The following CEP63 variants were observed in gnomAD, a reference collection of about 807,000 sequenced individuals.
CEP63 encodes centrosomal protein of 63 kDa.
Under a neutral mutation model 89.1 loss-of-function variants are expected in CEP63, and 84 were observed. The ratio of observed to expected loss-of-function variants is 0.94; its 90% confidence interval spans 0.79 to 1.13. The LOEUF (loss-of-function observed/expected upper bound fraction) is 1.13. Among genes scored for constraint, CEP63 ranks in the 50% most tolerant of loss-of-function variants. CEP63 has a pLI of 0.00. For synonymous variants in CEP63, 267 were observed against 272.5 expected (o/e 0.98, Z 0.20); for missense variants, 838 against 813.3 (o/e 1.03, Z -0.37).
the CEP63 span, among the ~76,000 whole-genome samples, chr3:134,668,267 C>G: frequency 6.6e-6 from 1 of 152,228 alleles, no homozygotes; most frequent in Non-Finnish European, 1.5e-5. Flanking sequence ...GCCTGTAGAA[C>G]TGTGTAAACC....
intron 2 of CEP63, among the ~76,000 whole-genome samples, chr3:134,503,937 A>T (rs1182571833): frequency 6.6e-6 from 1 of 152,104 alleles, no homozygotes; most frequent in African/African-American, 2.4e-5. Context: ...TTATAGAGAT[A>T]TTCAGCCATT....
At chr3:134,610,504 CT>C in the CEP63 span, 1 of 833,236 alleles carries the variant, frequency 1.2e-6, no homozygotes, top group Admixed American at 2.7e-5. Flanking sequence ...TATCCTTTTC[CT>C]TGCTTCTTGT....
chr3:134,634,463 T>A, the CEP63 span, among the ~76,000 whole-genome samples: 1 of 152,192 alleles, frequency 6.6e-6, no homozygotes, highest in Non-Finnish European at 1.5e-5. Context: ...AATAAATTTT[T>A]ACAAAAGTGC....
intron 1 of CEP63, chr3:134,486,455 C>T: frequency 2.0e-6 from 2 of 985,558 alleles, no homozygotes; most frequent in South Asian, 4.7e-5. Flanking sequence ...TGCACACTGG[C>T]GGAGTCTGGC....
the CEP63 span, among the ~76,000 whole-genome samples, chr3:134,758,049 T>G: frequency 5.2e-4 from 79 of 152,314 alleles, no homozygotes; most frequent in African/African-American, 1.7e-3. Context: ...CGATGATGTA[T>G]CTAAGGTGCC....
chr3:134,659,299 G>A, the CEP63 span, among the ~76,000 whole-genome samples: 1 of 152,110 alleles, frequency 6.6e-6, no homozygotes, highest in East Asian at 1.9e-4. Context: ...TCCTCGATCC[G>A]CCCCTCTCTC....
At chr3:134,623,549 T>G in the CEP63 span, among the ~76,000 whole-genome samples, 4 of 146,032 alleles carry the variant, frequency 2.7e-5, no homozygotes, top group South Asian at 4.8e-4. Flanking sequence ...TGCCCCCTTG[T>G]TCCCCCACCT....
At chr3:134,579,490 G>T (rs1333115375), downstream of CEP63, among the ~76,000 whole-genome samples, 1 of 152,230 alleles carries the variant, frequency 6.6e-6, no homozygotes, top group Non-Finnish European at 1.5e-5. Context: ...TAGTGGGTGT[G>T]TACTGATAAC....
intron 6 of CEP63, among the ~76,000 whole-genome samples, chr3:134,542,502 A>G (rs2109434984): frequency 6.6e-6 from 1 of 152,308 alleles, no homozygotes; most frequent in East Asian, 1.9e-4. Context: ...GCACTGGCGC[A>G]TTTGGAGTTG....
chr3:134,570,253 CAG>C (rs1553796559), intron 11 of CEP63, among the ~76,000 whole-genome samples: 1 of 152,036 alleles, frequency 6.6e-6, no homozygotes, highest in Non-Finnish European at 1.5e-5. Flanking sequence ...AATTTCTCCT[CAG>C]AAAGTGGGAT....
chr3:134,765,675 G>T, the CEP63 span, among the ~76,000 whole-genome samples: 2 of 152,224 alleles, frequency 1.3e-5, no homozygotes, highest in African/African-American at 4.8e-5. Flanking sequence ...TACTTAGTGG[G>T]GAGAGAGTCT....
At chr3:134,751,379 A>G in the CEP63 span, among the ~76,000 whole-genome samples, 1 of 152,252 alleles carries the variant, frequency 6.6e-6, no homozygotes, top group Non-Finnish European at 1.5e-5. Flanking sequence ...TTGAGTAAAT[A>G]TCTATGAGTA....
the CEP63 span, among the ~76,000 whole-genome samples, chr3:134,630,109 GA>G: frequency 6.6e-6 from 1 of 152,354 alleles, no homozygotes; most frequent in Admixed American, 6.5e-5. Context: ...CCCAAACCCA[GA>G]AGGGTACAGT....
the CEP63 span, among the ~76,000 whole-genome samples, chr3:134,703,930 T>C: frequency 6.6e-6 from 1 of 152,226 alleles, no homozygotes; most frequent in African/African-American, 2.4e-5. Context: ...ATAAAGCTGG[T>C]TAGGCTGCTC....
At chr3:134,693,319 A>G in the CEP63 span, among the ~76,000 whole-genome samples, 25 of 152,352 alleles carry the variant, frequency 1.6e-4, no homozygotes, top group South Asian at 1.0e-3. Context: ...TCTTGCAGAC[A>G]TGAGGACAAG....
intron 8 of CEP63, among the ~76,000 whole-genome samples, chr3:134,547,025 A>G (rs1206394920): frequency 6.6e-6 from 1 of 152,218 alleles, no homozygotes; most frequent in Non-Finnish European, 1.5e-5. Context: ...TTTTGCCAGA[A>G]TTCTCCTGTA....
intron 14 of CEP63, among the ~76,000 whole-genome samples, chr3:134,559,972 A>G (rs1957049007): frequency 6.6e-6 from 1 of 152,226 alleles, no homozygotes; most frequent in Non-Finnish European, 1.5e-5. Context: ...CTTCTGCACC[A>G]AAGCACTTGC....
chr3:134,773,155 TG>T, the CEP63 span, among the ~76,000 whole-genome samples: 1 of 152,120 alleles, frequency 6.6e-6, no homozygotes, highest in Non-Finnish European at 1.5e-5. Flanking sequence ...TGGAGAATAA[TG>T]GCATCTCCTT....
At chr3:134,619,284 G>A in the CEP63 span, 1 of 1,580,510 alleles carries the variant, frequency 6.3e-7, no homozygotes, top group Non-Finnish European at 8.7e-7. Context: ...CAGGTGAGGG[G>A]ATCATGAAGA....
Sources: gnomAD v4.1 joint callset for allele counts (sites outside exome capture counted in the v4.1 genomes callset) on GRCh38, gnomAD v4.1.1 for gene constraint, MANE v1.5 for transcripts, NCBI Gene and HGNC (gene_info 2026-07-23, HGNC 2026-07-21) for gene names.